The following ELMO1 variants were observed in gnomAD, a reference collection of about 807,000 sequenced individuals.
ELMO1 encodes engulfment and cell motility protein 1.
Under a neutral mutation model 98.9 loss-of-function variants are expected in ELMO1, and 26 were observed. The ratio of observed to expected loss-of-function variants is 0.26; its 90% confidence interval spans 0.19 to 0.36. ELMO1 has a LOEUF of 0.36. Ranked by LOEUF, ELMO1 falls within the 10% of genes least tolerant of loss-of-function variation. The probability of loss-of-function intolerance (pLI) is 1.00; values close to 1 mark genes in which losing one functional copy is unlikely to be tolerated. For synonymous variants in ELMO1, 346 were observed against 346.0 expected, an observed-to-expected ratio of 1.00 and a Z score of 0.00; for missense variants, 627 against 935.2, an observed-to-expected ratio of 0.67 and a Z score of 4.30.
chr7:37,031,747 T>C (rs6462728), intron 15 of ELMO1, among the ~76,000 whole-genome samples: 43,885 of 152,110 alleles, frequency 0.29, 8,658 homozygotes, highest in African/African-American at 0.56. Context: ...GGAATGCATG[T>C]TTACACGTGA....
chr7:37,156,598 A>T (rs1230665233), intron 13 of ELMO1, among the ~76,000 whole-genome samples: 3 of 152,234 alleles, frequency 2.0e-5, no homozygotes, highest in Non-Finnish European at 4.4e-5. Context: ...GTGGACACAT[A>T]CACCCTCCCA....
intron 1 of ELMO1, among the ~76,000 whole-genome samples, chr7:37,351,473 T>C (rs1051156094): frequency 6.6e-6 from 1 of 152,096 alleles, no homozygotes; most frequent in African/African-American, 2.4e-5. Flanking sequence ...TGGGGAAAGG[T>C]CATCCACAAT....
chr7:37,343,717 T>C (rs946442761), intron 1 of ELMO1, among the ~76,000 whole-genome samples: 3 of 151,980 alleles, frequency 2.0e-5, no homozygotes, highest in African/African-American at 4.8e-5. Context: ...CTGGGTAATC[T>C]GCCCACCTCA....
intron 1 of ELMO1, among the ~76,000 whole-genome samples, chr7:37,416,566 C>A (rs1169156682): frequency 1.3e-5 from 2 of 152,194 alleles, no homozygotes; most frequent in African/African-American, 4.8e-5. Flanking sequence ...GCATAATCTC[C>A]ATTTCTTAGA....
At chr7:37,168,420 T>A (rs2129739622) in intron 13 of ELMO1, among the ~76,000 whole-genome samples, 1 of 152,328 alleles carries the variant, frequency 6.6e-6, no homozygotes, top group Admixed American at 6.5e-5. Context: ...GCTCTGCTTT[T>A]TAGAGTTTCC....
intron 1 of ELMO1, among the ~76,000 whole-genome samples, chr7:37,446,866 T>G (rs745945352): frequency 6.6e-6 from 1 of 152,228 alleles, no homozygotes; most frequent in Admixed American, 6.5e-5. Flanking sequence ...CAAGGCAGCA[T>G]GCACATTTAA....
chr7:37,197,788 C>CT (rs1792059601), intron 13 of ELMO1, among the ~76,000 whole-genome samples: 1 of 152,150 alleles, frequency 6.6e-6, no homozygotes, highest in South Asian at 2.1e-4. Context: ...CGAGTACAAG[C>CT]ACCTACAGAA....
At chr7:37,196,297 C>A (rs115464261) in intron 13 of ELMO1, among the ~76,000 whole-genome samples, 1 of 152,294 alleles carries the variant, frequency 6.6e-6, no homozygotes, top group African/African-American at 2.4e-5. Flanking sequence ...GTGAAAGGGG[C>A]CAAACACTGG....
intron 1 of ELMO1, among the ~76,000 whole-genome samples, chr7:37,447,714 CCACACACACACA>C (rs3054415): frequency 0.5 from 65,673 of 132,196 alleles, 16,993 homozygotes; most frequent in East Asian, 0.68. Flanking sequence ...CGCGCACACA[CCACACACACACA>C]CACACACACA....
chr7:36,973,480 T>C (rs943467218), intron 16 of ELMO1, among the ~76,000 whole-genome samples: 14 of 152,160 alleles, frequency 9.2e-5, no homozygotes, highest in African/African-American at 3.1e-4. Context: ...ATTTGCTCCA[T>C]GAGAAGGAAA....
chr7:37,139,588 C>T (rs1449763823), intron 13 of ELMO1, among the ~76,000 whole-genome samples: 2 of 152,210 alleles, frequency 1.3e-5, no homozygotes, highest in Non-Finnish European at 2.9e-5. Flanking sequence ...AATGGAAACA[C>T]ATCCCATGCT....
At chr7:36,869,154 T>C (rs3807163) in intron 20 of ELMO1, among the ~76,000 whole-genome samples, 43,292 of 152,196 alleles carry the variant, frequency 0.28, 6,282 homozygotes, top group Middle Eastern at 0.35. Context: ...GTGTAACAGA[T>C]AGACCACAGA....
At position 36,870,581 on chromosome 7, in the gene ELMO1, C is replaced by A; in HGVS notation, c.1823-106G>T. On this transcript the variant is annotated intron_variant, in intron 19 of 21. Transcript: ENST00000310758. The surrounding 1 kb of genome is among the most constrained non-coding windows in gnomAD (Gnocchi z 4.4). The stretch of plus-strand genomic sequence containing the variant: ...GGTCCGCTACTGTGGTTACCATTCC[C>A]AGAAACTACTGCAAAAAGAAGAGTG... 1 of 1,023,986 alleles carries A rather than the reference C, an allele frequency of 9.8e-7. No individual in the cohort carries two copies. Among genetic ancestry groups the A allele is most frequent in the East Asian group, 2.5e-5 (1 of 39,398 alleles). The allele number at this position is 1,023,986 out of a possible 1,614,324, so 63.4% of individuals were successfully genotyped here.
At chr7:36,907,367 T>C (rs1396634237) in intron 16 of ELMO1, among the ~76,000 whole-genome samples, 4 of 152,316 alleles carry the variant, frequency 2.6e-5, no homozygotes, top group South Asian at 2.1e-4. Flanking sequence ...TGGCTGGTTA[T>C]TACAGTGTCC....
intron 7 of ELMO1, among the ~76,000 whole-genome samples, chr7:37,242,691 CA>C (rs141232407): frequency 5.4e-4 from 83 of 152,298 alleles, no homozygotes; most frequent in African/African-American, 1.9e-3. Flanking sequence ...TTAAAGTGTG[CA>C]TTTGCACTTC....
chr7:36,991,092 T>G (rs1791844175), intron 16 of ELMO1, among the ~76,000 whole-genome samples: 1 of 152,216 alleles, frequency 6.6e-6, no homozygotes, highest in Admixed American at 6.5e-5. Context: ...CTCTACAGTT[T>G]ACGACATGGC....
chr7:37,214,017 A>T (rs1056552153), intron 11 of ELMO1, among the ~76,000 whole-genome samples: 2 of 152,216 alleles, frequency 1.3e-5, no homozygotes, highest in Non-Finnish European at 2.9e-5. Context: ...AATGCTCGTG[A>T]ATTACTTTAC....
intron 14 of ELMO1, among the ~76,000 whole-genome samples, chr7:37,123,421 T>C (rs559020526): frequency 6.6e-6 from 1 of 151,516 alleles, no homozygotes; most frequent in Non-Finnish European, 1.5e-5. Flanking sequence ...GAGAGAAGAA[T>C]CAAATAGACG....
At chr7:36,861,621 A>C (rs746495282) in intron 21 of ELMO1, 38 bp downstream of exon 21, 2 of 1,580,610 alleles carry the variant, frequency 1.3e-6, no homozygotes, top group Non-Finnish European at 1.7e-6. Context: ...GAGAAAAGAT[A>C]ACATTATCTC....
Sources: allele counts gnomAD v4.1 joint callset (sites outside exome capture counted in the v4.1 genomes callset), GRCh38; gene constraint gnomAD v4.1.1; non-coding constraint Gnocchi (gnomAD v3.1); transcripts MANE v1.5; gene names NCBI Gene and HGNC (gene_info 2026-07-23, HGNC 2026-07-21).